Variants in SLC1A6 observed in about 807,000 individuals in gnomAD.
SLC1A6 encodes the protein solute carrier family 1 member 6.
In SLC1A6, 15 loss-of-function variants were observed where a neutral mutation model predicts 42.1. The ratio of observed to expected loss-of-function variants is 0.36; its 90% CI spans 0.24 to 0.55. The LOEUF is 0.55. Among genes scored for constraint, SLC1A6 ranks in the 20% least tolerant of loss-of-function variants. The probability of loss-of-function intolerance (pLI) is 0.88; values close to 1 mark genes in which losing one functional copy is unlikely to be tolerated. For synonymous variants in SLC1A6, 317 were observed against 319.7 expected (o/e 0.99, Z 0.09); for missense variants, 542 against 772.5 (o/e 0.70, Z 3.54).
chr19:14,994,515 C>G (rs1372046734), intron 1 of SLC1A6, among the ~76,000 whole-genome samples: 1 of 152,188 alleles, frequency 6.6e-6, no homozygotes, highest in African/African-American at 2.4e-5. Context: ...TCCCCTCAAA[C>G]TGCCCAGTCT....
At chr19:14,957,528 A>G (rs756615432) in intron 6 of SLC1A6, among the ~76,000 whole-genome samples, 1 of 152,222 alleles carries the variant, frequency 6.6e-6, no homozygotes. Context: ...GACGCCTTCC[A>G]TGAACCAGAA....
rs200301429 is a variant in SLC1A6, at chr19:14,954,284, C to G, written c.1215G>C (p.Leu405=). The change falls in exon 8 of 10, where the codon CTG becomes CTC. Residue 405 remains leucine (L), a synonymous_variant. Coordinates refer to ENST00000594383, the MANE Select transcript of SLC1A6 (RefSeq NM_005071.3). ...ACCTGGTGATGCGGCGGTCCACACC[C>G]AGGCCCTCCTCCAGGCAGCGGAAGG... The part of the protein sequence containing the change: ...PITFRCLEEG[L]GVDRRITRFV... The G allele has an allele frequency of 1.2e-6, 2 of 1,612,930 alleles. No homozygotes were observed. The highest frequency in any genetic ancestry group is 2.2e-5 in the East Asian group (1 of 44,890).
At position 14,970,487 on chromosome 19, in the gene SLC1A6, G is replaced by C. The variant is rs1008207211; in HGVS notation, c.343+1250C>G. Among the ~76,000 whole-genome samples the C allele has an allele frequency of 2.7e-5, 4 of 149,934 alleles. No homozygotes were observed. In the South Asian group the frequency reaches 6.4e-4, roughly 24 times the overall value. On this transcript the variant is annotated intron_variant, in intron 3 of 9. Transcript: ENST00000594383. ...AGCACTTTGGGAGGCCAAGGCGGGC[G>C]GATCACGAGGTCAGGAGATCGAGAC...
chr19:14,968,881 CCAGACTGGAGTGCA>C (rs143448913), intron 3 of SLC1A6, among the ~76,000 whole-genome samples: 28,717 of 151,782 alleles, frequency 0.19, 3,096 homozygotes, highest in African/African-American at 0.3. Flanking sequence ...TCTCCTTCGC[CCAGACTGGAGTGCA>C]ATGGTGCGAT....
At chr19:15,009,084 C>T (rs899611319) in intron 1 of SLC1A6, among the ~76,000 whole-genome samples, 2 of 123,186 alleles carry the variant, frequency 1.6e-5, no homozygotes, top group Admixed American at 8.4e-5. Context: ...ATATATATAT[C>T]GGATACAAAT....
intron 1 of SLC1A6, among the ~76,000 whole-genome samples, chr19:14,988,738 G>T (rs9789315): frequency 2.6e-5 from 4 of 151,926 alleles, no homozygotes; most frequent in African/African-American, 9.7e-5. Flanking sequence ...AATACTAGCT[G>T]GTGTGGTGGC....
At chr19:15,002,928 T>C (rs182615789) in intron 1 of SLC1A6, among the ~76,000 whole-genome samples, 1 of 151,586 alleles carries the variant, frequency 6.6e-6, no homozygotes, top group Non-Finnish European at 1.5e-5. Flanking sequence ...GTTTTCGGTT[T>C]GTGTTTTTCA....
At chr19:14,972,279 C>A (rs2045648889) in intron 2 of SLC1A6, among the ~76,000 whole-genome samples, 1 of 152,090 alleles carries the variant, frequency 6.6e-6, no homozygotes, top group South Asian at 2.1e-4. Context: ...TGGGAGTGTA[C>A]GTGTTCTTAA....
chr19:14,975,690 T>A (rs4808780), intron 1 of SLC1A6, among the ~76,000 whole-genome samples: 12 of 147,524 alleles, frequency 8.1e-5, no homozygotes, highest in Admixed American at 6.8e-4. Context: ...GAGGCAGAGG[T>A]TGCAGTGAGC....
chr19:14,991,806 G>A (rs1309146157), intron 1 of SLC1A6, among the ~76,000 whole-genome samples: 1 of 151,060 alleles, frequency 6.6e-6, no homozygotes, highest in East Asian at 1.9e-4. Context: ...AATCAAGACA[G>A]GACCAAAGTT....
intron 3 of SLC1A6, among the ~76,000 whole-genome samples, chr19:14,969,412 T>C (rs1399101098): frequency 6.6e-6 from 1 of 152,220 alleles, no homozygotes; most frequent in Admixed American, 6.5e-5. Context: ...AGAATGACTG[T>C]GCAGGGATTC....
At chr19:14,957,161 C>G (rs988043206) in intron 6 of SLC1A6, among the ~76,000 whole-genome samples, 1 of 152,166 alleles carries the variant, frequency 6.6e-6, no homozygotes, top group African/African-American at 2.4e-5. Context: ...TATTCTCTTC[C>G]CTATCAGTGC....
At chr19:14,962,981 T>A (rs2045532628) in intron 5 of SLC1A6, among the ~76,000 whole-genome samples, 1 of 152,210 alleles carries the variant, frequency 6.6e-6, no homozygotes, top group Non-Finnish European at 1.5e-5. Flanking sequence ...GAAATCAGTA[T>A]CTCAAAGAGA....
intron 1 of SLC1A6, 73 bp from the exon 2 acceptor site, chr19:14,972,990 T>C: frequency 1.6e-6 from 2 of 1,213,836 alleles, no homozygotes; most frequent in Non-Finnish European, 2.3e-6. Flanking sequence ...TGGCGAAGGC[T>C]GCGAAGGGTA....
At chr19:14,996,503 C>CCCT in intron 1 of SLC1A6, among the ~76,000 whole-genome samples, 1 of 121,888 alleles carries the variant, frequency 8.2e-6, no homozygotes, top group East Asian at 2.1e-4. Flanking sequence ...CTTTCCTCCT[C>CCCT]CTCCTCCTCC....
Position 15,001,034 on chromosome 19 carries a change from T to C in SLC1A6, c.6+9451A>G, listed in dbSNP as rs553599631. 2.6e-5 allele frequency among the ~76,000 whole-genome samples: 4 copies of C among 152,298 alleles called. No individual in the cohort carries two copies. In the South Asian group the frequency reaches 8.3e-4, roughly 32 times the overall value. The stretch of plus-strand genomic sequence containing the variant: ...AGGTTGAACAGCTAGAACAGGAATG[T>C]TCATAGCAGAAGCAGAAGAAAGTCC... On this transcript the variant is annotated intron_variant, in intron 1 of 8. Coordinates refer to the SLC1A6 transcript ENST00000430939.
At chr19:15,004,689 ACT>A (rs1477251490) in intron 1 of SLC1A6, among the ~76,000 whole-genome samples, 1 of 147,510 alleles carries the variant, frequency 6.8e-6, no homozygotes, top group African/African-American at 2.5e-5. Flanking sequence ...ACAGAGTGAG[ACT>A]CTGTCTCCAG....
In SLC1A6 at chr19:14,952,972, C is replaced by G; in HGVS notation, c.1455G>C (p.Leu485Phe). Residue 485 changes from leucine (L) to phenylalanine (F), a missense_variant, in exon 9 of 10, where the codon TTG becomes TTC. This residue lies in a region of SLC1A6 where 54 missense variants were observed against 125.1 expected (regional missense o/e 0.43). Transcript: ENST00000594383. Reference sequence around the variant, plus strand: ...TGATGAGCGTGATGTCTTCCGTGGGCAAGCCGACCGACGTAAGCACAATGA... The same window carrying G: ...TGATGAGCGTGATGTCTTCCGTGGGGAAGCCGACCGACGTAAGCACAATGA... The part of the protein sequence containing the change: ...TMVIVLTSVG[L>F]PTEDITLIIA... The G allele has an allele frequency of 1.2e-6, 2 of 1,614,038 alleles. No individual in the cohort carries two copies.
intron 1 of SLC1A6, among the ~76,000 whole-genome samples, chr19:15,001,480 C>T (rs949027373): frequency 2.6e-5 from 4 of 152,094 alleles, no homozygotes; most frequent in African/African-American, 7.2e-5. Flanking sequence ...ATGGTGAGCA[C>T]ATCATGACTG....
Sources: allele counts gnomAD v4.1 joint callset (sites outside exome capture counted in the v4.1 genomes callset), GRCh38; gene constraint gnomAD v4.1.1; regional missense constraint gnomAD v4.1.1; transcripts MANE v1.5; gene names NCBI Gene and HGNC (gene_info 2026-07-23, HGNC 2026-07-21).